NLGN1: variants seen among roughly 807,000 people sequenced by gnomAD.
The protein encoded by NLGN1 is neuroligin 1.
A neutral mutation model predicts 65.5 loss-of-function variants in NLGN1; 12 were observed. That is an observed-to-expected ratio of 0.18 (90% CI 0.12 to 0.30). The LOEUF (loss-of-function observed/expected upper bound fraction) is 0.30, where lower values mean the gene tolerates loss of function less well. Among genes scored for constraint, NLGN1 ranks in the 10% least tolerant of loss-of-function variants. The probability of loss-of-function intolerance (pLI) is 1.00; values close to 1 mark genes in which losing one functional copy is unlikely to be tolerated. For synonymous variants in NLGN1, 350 were observed against 359.5 expected (o/e 0.97, Z 0.30); for missense variants, 750 against 1,007.1 (o/e 0.74, Z 3.46).
intron 4 of NLGN1, among the ~76,000 whole-genome samples, chr3:174,262,744 T>A (rs1283491361): frequency 8.3e-6 from 1 of 120,058 alleles, no homozygotes; most frequent in East Asian, 2.6e-4. Context: ...ATGTGTTTGC[T>A]CTTGCTTTTC....
intron 3 of NLGN1, among the ~76,000 whole-genome samples, chr3:173,640,527 T>G (rs1307551302): frequency 6.6e-6 from 1 of 152,154 alleles, no homozygotes; most frequent in East Asian, 1.9e-4. Context: ...GAATAATGAC[T>G]TTCACCGTAA....
chr3:173,410,837 C>T (rs1291030911), intron 1 of NLGN1, among the ~76,000 whole-genome samples: 1 of 152,192 alleles, frequency 6.6e-6, no homozygotes, highest in African/African-American at 2.4e-5. Flanking sequence ...TTCTGCATTT[C>T]AATTCTGATT....
chr3:173,449,390 TC>T (rs1721037614), intron 2 of NLGN1, among the ~76,000 whole-genome samples: 1 of 151,826 alleles, frequency 6.6e-6, no homozygotes, highest in Non-Finnish European at 1.5e-5. Context: ...AGTTTCTTAA[TC>T]CTGAGTTCTA....
intron 3 of NLGN1, among the ~76,000 whole-genome samples, chr3:173,743,839 A>G (rs1011386822): frequency 2.0e-5 from 3 of 152,140 alleles, no homozygotes; most frequent in East Asian, 3.9e-4. Flanking sequence ...GCAGAGTTCA[A>G]TGTTCAGAGA....
At chr3:173,783,267 A>T (rs958825472) in intron 3 of NLGN1, among the ~76,000 whole-genome samples, 1 of 152,206 alleles carries the variant, frequency 6.6e-6, no homozygotes, top group African/African-American at 2.4e-5. Flanking sequence ...TTTGAGAAAA[A>T]CATTCAAAAA....
intron 4 of NLGN1, among the ~76,000 whole-genome samples, chr3:173,838,811 GT>G (rs1292790577): frequency 2.0e-5 from 3 of 152,188 alleles, no homozygotes; most frequent in Non-Finnish European, 4.4e-5. Context: ...TACTCATAGA[GT>G]GAAATTGTCT....
chr3:173,712,737 CA>C (rs979013715), intron 3 of NLGN1, among the ~76,000 whole-genome samples: 1 of 152,032 alleles, frequency 6.6e-6, no homozygotes, highest in African/African-American at 2.4e-5. Context: ...GAAGATTAAA[CA>C]AAATCCTTAT....
chr3:173,753,095 G>A (rs976609144), intron 3 of NLGN1, among the ~76,000 whole-genome samples: 21 of 151,766 alleles, frequency 1.4e-4, no homozygotes, highest in East Asian at 7.8e-4. Context: ...AGTTGTTTTC[G>A]TCAGCATGTG....
chr3:173,752,200 A>T (rs1204138682), intron 3 of NLGN1, among the ~76,000 whole-genome samples: 2 of 152,168 alleles, frequency 1.3e-5, no homozygotes, highest in African/African-American at 4.8e-5. Context: ...TGAAGGGCAA[A>T]TAACAAATCC....
At chr3:173,779,717 T>A (rs6776924) in intron 3 of NLGN1, among the ~76,000 whole-genome samples, 116,888 of 151,982 alleles carry the variant, frequency 0.77, 45,962 homozygotes, top group Non-Finnish European at 0.85. Flanking sequence ...TACCAAAAAA[T>A]GAGAAAATCA....
intron 4 of NLGN1, among the ~76,000 whole-genome samples, chr3:174,213,483 A>C (rs1364604974): frequency 6.6e-6 from 1 of 152,246 alleles, no homozygotes; most frequent in African/African-American, 2.4e-5. Context: ...TGTTGAAATA[A>C]TAATAGTAAG....
chr3:174,094,049 A>G (rs1365782745), intron 4 of NLGN1, among the ~76,000 whole-genome samples: 2 of 152,184 alleles, frequency 1.3e-5, no homozygotes, highest in Non-Finnish European at 2.9e-5. Context: ...CATAATCCAA[A>G]AAAGTAAAAA....
chr3:173,976,043 T>G (rs1429240301), intron 4 of NLGN1, among the ~76,000 whole-genome samples: 1 of 152,016 alleles, frequency 6.6e-6, no homozygotes, highest in Non-Finnish European at 1.5e-5. Flanking sequence ...ATCAGAGTAA[T>G]CCCAACTGAG....
chr3:173,875,955 A>G (rs1334968452), intron 4 of NLGN1, among the ~76,000 whole-genome samples: 1 of 152,206 alleles, frequency 6.6e-6, no homozygotes. Context: ...AGGCTGGGGT[A>G]GATAAGAGTT....
chr3:173,952,378 G>A (rs912632831), intron 4 of NLGN1, among the ~76,000 whole-genome samples: 7 of 152,284 alleles, frequency 4.6e-5, no homozygotes, highest in African/African-American at 1.7e-4. Flanking sequence ...GTACACAAGA[G>A]GTGAGACAAG....
chr3:173,879,634 G>A (rs529454458), intron 4 of NLGN1, among the ~76,000 whole-genome samples: 1 of 144,192 alleles, frequency 6.9e-6, no homozygotes, highest in Admixed American at 7.5e-5. Context: ...ACTTTTTTCT[G>A]TGTGTTTTTT....
At position 173,649,031 on chromosome 3, in the gene NLGN1, A is replaced by G. The variant is rs546872581; in HGVS notation, c.493+43940A>G. 8.5e-5 allele frequency among the ~76,000 whole-genome samples: 13 copies of G among 152,336 alleles called. No homozygotes were observed. The East Asian group carries it at 2.5e-3, about 29-fold the overall frequency. On this transcript the variant is annotated intron_variant, in intron 3 of 6. Coordinates refer to ENST00000457714, the Ensembl canonical transcript of NLGN1. ...TAAATATTCATCAGCAGATGAACAG[A>G]TAAATTGTGAAATAAGCATAAAATG...
intron 2 of NLGN1, among the ~76,000 whole-genome samples, chr3:173,534,346 G>A (rs1483083461): frequency 1.3e-5 from 2 of 151,862 alleles, no homozygotes; most frequent in East Asian, 1.9e-4. Context: ...CCTTCTACTC[G>A]GATTCTTGAT....
intron 2 of NLGN1, among the ~76,000 whole-genome samples, chr3:173,533,336 A>G (rs759048028): frequency 2.4e-4 from 36 of 152,216 alleles, no homozygotes; most frequent in Non-Finnish European, 1.9e-4. Context: ...TCAGAATTCT[A>G]CAGAGATGCA....
Sources: gnomAD v4.1 joint callset for allele counts (sites outside exome capture counted in the v4.1 genomes callset) on GRCh38, gnomAD v4.1.1 for gene constraint, MANE v1.5 for transcripts, NCBI Gene and HGNC (gene_info 2026-07-23, HGNC 2026-07-21) for gene names.